The following ERP44 variants were observed in gnomAD, a reference collection of about 807,000 sequenced individuals.
ERP44 encodes endoplasmic reticulum resident protein 44.
In ERP44, 25 loss-of-function variants were observed where a neutral mutation model predicts 53.4. The observed-to-expected ratio is 0.47, with a 90% CI of 0.34 to 0.65. The LOEUF (loss-of-function observed/expected upper bound fraction) is 0.65. Ranked by LOEUF, ERP44 falls within the 30% of genes least tolerant of loss-of-function variation. The pLI, the probability that ERP44 is intolerant of heterozygous loss-of-function variation, is 0.01. For synonymous variants in ERP44, 145 were observed against 161.2 expected, an observed-to-expected ratio of 0.90 and a Z score of 0.76; for missense variants, 338 against 493.2, an observed-to-expected ratio of 0.69 and a Z score of 2.98.
At chr9:100,029,844 C>T (rs1471343155) in intron 4 of ERP44, among the ~76,000 whole-genome samples, 1 of 152,166 alleles carries the variant, frequency 6.6e-6, no homozygotes, top group Non-Finnish European at 1.5e-5. Flanking sequence ...AATCCCAGCA[C>T]TTTGGGAGAC....
rs1830169228 is a variant in ERP44, at chr9:99,983,501, C to T, written c.1120-788G>A. 2.1e-5 allele frequency among the ~76,000 whole-genome samples: 3 copies of T among 144,746 alleles called. No individual in the cohort carries two copies. In the South Asian group the frequency reaches 6.6e-4, roughly 32 times the overall value. The allele number at this position is 144,746 out of a possible 152,430, so 95.0% of individuals were successfully genotyped here. A position where few individuals can be genotyped will look rare whatever the true frequency, so the allele number is the denominator to read the frequency against. On this transcript the variant is annotated intron_variant, in intron 11 of 11. Coordinates refer to ENST00000262455, the MANE Select transcript of ERP44 (RefSeq NM_015051.3). ...CGGAGCTTGCAGTGAGCCGAGATTG[C>T]GCCACTGCAGTCCGCAGTCCGACCT... is the stretch of plus-strand genomic sequence containing the variant.
intron 1 of ERP44, among the ~76,000 whole-genome samples, chr9:100,082,898 A>G (rs1436533149): frequency 6.6e-6 from 1 of 152,264 alleles, no homozygotes; most frequent in Non-Finnish European, 1.5e-5. Flanking sequence ...CATATTTCCA[A>G]TGAAACCACA....
At chr9:100,037,666 G>A (rs1255113904) in intron 4 of ERP44, among the ~76,000 whole-genome samples, 1 of 152,130 alleles carries the variant, frequency 6.6e-6, no homozygotes, top group Non-Finnish European at 1.5e-5. Context: ...GTCACAGCAA[G>A]ACAGGGCACC....
chr9:100,068,676 A>G (rs1325145181), intron 1 of ERP44, among the ~76,000 whole-genome samples: 3 of 108,066 alleles, frequency 2.8e-5, no homozygotes, highest in Non-Finnish European at 5.7e-5. Context: ...GGGGGAGTCA[A>G]CCCCCCACCC....
chr9:100,014,404 C>T (rs1450897663), intron 8 of ERP44, among the ~76,000 whole-genome samples: 1 of 152,182 alleles, frequency 6.6e-6, no homozygotes, highest in Non-Finnish European at 1.5e-5. Flanking sequence ...CCTGCCTCAG[C>T]CTCCCGAGTA....
At chr9:100,016,243 C>T in intron 8 of ERP44, 79 bp downstream of exon 8, 3 of 1,515,212 alleles carry the variant, frequency 2.0e-6, no homozygotes, top group African/African-American at 1.4e-5. Flanking sequence ...ACTCTGTTAA[C>T]ATAGTAAGAC....
In ERP44 at chr9:100,026,228, C is replaced by T. The variant is rs138790892; in HGVS notation, c.287-4002G>A. Among the ~76,000 whole-genome samples, 231 of 152,202 alleles carry T rather than the reference C, an allele frequency of 1.5e-3. 2 individuals carry two copies. Among genetic ancestry groups the T allele is most frequent in the African/African-American group, 5.3e-3 (222 of 41,526 alleles). On this transcript the variant is annotated intron_variant, in intron 4 of 11. Transcript: ENST00000262455. ...AACCTGGGGAGTTGGGTCACAAAGA[C>T]GAAAAATCTCCTATGGCCTCCTGGT...
At position 100,007,565 on chromosome 9, in the gene ERP44, T is replaced by G; in HGVS notation, c.874+13A>C. On this transcript the variant is annotated intron_variant, in intron 9 of 11. Coordinates refer to ENST00000262455, the MANE Select transcript of ERP44 (RefSeq NM_015051.3). Reference sequence around the variant, plus strand: ...GAAAGAAATGATGAAAATAAACACCTTAATCTGTCTACCTTTTTCACTTAT... The same window carrying G: ...GAAAGAAATGATGAAAATAAACACCGTAATCTGTCTACCTTTTTCACTTAT... The G allele has an allele frequency of 8.1e-7, 1 of 1,237,286 alleles. No individual in the cohort carries two copies. The highest frequency in any genetic ancestry group is 1.2e-6 in the Non-Finnish European group (1 of 836,648). 76.6% of individuals were successfully genotyped at this position (1,237,286 alleles called of 1,614,324 possible). A position where few individuals can be genotyped will look rare whatever the true frequency, so the allele number is the denominator to read the frequency against.
chr9:100,069,334 GA>G (rs1440746604), intron 1 of ERP44, among the ~76,000 whole-genome samples: 1 of 113,580 alleles, frequency 8.8e-6, no homozygotes, highest in Non-Finnish European at 1.9e-5. Flanking sequence ...AAAGAAAAAA[GA>G]AAAGAAGCAT....
At chr9:100,071,782 G>A (rs1215653971) in intron 1 of ERP44, among the ~76,000 whole-genome samples, 14 of 152,200 alleles carry the variant, frequency 9.2e-5, no homozygotes, top group East Asian at 3.9e-4. Context: ...TTAGCTGGGC[G>A]TGGTTGCGGA....
At chr9:100,095,636 C>T (rs1826618674) in intron 1 of ERP44, among the ~76,000 whole-genome samples, 1 of 151,876 alleles carries the variant, frequency 6.6e-6, no homozygotes, top group Non-Finnish European at 1.5e-5. Flanking sequence ...ATTTCTGGGG[C>T]TCACAGATAT....
chr9:100,039,307 G>T (rs896868482), intron 4 of ERP44, among the ~76,000 whole-genome samples: 1 of 152,078 alleles, frequency 6.6e-6, no homozygotes, highest in East Asian at 1.9e-4. Flanking sequence ...GTCTTAAAAC[G>T]TTCAAAAAAA....
In ERP44 at chr9:99,986,016, C is replaced by G. The variant is rs1830193338; in HGVS notation, c.1017-947G>C. Among the ~76,000 whole-genome samples the G allele has an allele frequency of 3.3e-5, 5 of 152,318 alleles. No individual in the cohort carries two copies. In the South Asian group the frequency reaches 1.0e-3, roughly 32 times the overall value. On this transcript the variant is annotated intron_variant, in intron 10 of 11. Coordinates refer to ENST00000262455, the MANE Select transcript of ERP44 (RefSeq NM_015051.3). The stretch of plus-strand genomic sequence containing the variant: ...GGACACTATTCTCTTAATTACCAAT[C>G]ATGTATGAGCAAATCTGCAGCACAG...
chr9:100,046,427 A>G (rs1490992418), intron 4 of ERP44, among the ~76,000 whole-genome samples: 1 of 152,212 alleles, frequency 6.6e-6, no homozygotes, highest in Non-Finnish European at 1.5e-5. Context: ...TAGGTAAGGA[A>G]TATAAGGGAA....
chr9:100,089,016 G>A (rs536597014), intron 1 of ERP44, among the ~76,000 whole-genome samples: 33 of 152,266 alleles, frequency 2.2e-4, no homozygotes, highest in Admixed American at 6.5e-4. Flanking sequence ...ACCATGATCT[G>A]AAAACATTAA....
At chr9:99,996,658 G>T (rs1830312673) in intron 10 of ERP44, among the ~76,000 whole-genome samples, 1 of 151,954 alleles carries the variant, frequency 6.6e-6, no homozygotes, top group African/African-American at 2.4e-5. Context: ...CACCCTATTT[G>T]TAGTCTTTTA....
chr9:100,060,234 G>A (rs887496639), intron 1 of ERP44, 62 bp from the exon 2 acceptor site: 21 of 1,341,470 alleles, frequency 1.6e-5, no homozygotes, highest in Middle Eastern at 1.9e-4. Flanking sequence ...ACGTAAAAGC[G>A]AAGTCTAAAA....
intron 10 of ERP44, among the ~76,000 whole-genome samples, chr9:99,996,206 G>A (rs1830308538): frequency 6.6e-6 from 1 of 152,102 alleles, no homozygotes; most frequent in Non-Finnish European, 1.5e-5. Context: ...TGAATGGCTT[G>A]GTGCCACCCT....
intron 1 of ERP44, among the ~76,000 whole-genome samples, chr9:100,081,837 T>C (rs192647549): frequency 1.7e-3 from 254 of 152,232 alleles, no homozygotes; most frequent in Non-Finnish European, 2.9e-3. Context: ...AGGAAAAACG[T>C]TGTAGGTATA....
Sources: allele counts gnomAD v4.1 joint callset (sites outside exome capture counted in the v4.1 genomes callset), GRCh38; gene constraint gnomAD v4.1.1; transcripts MANE v1.5; gene names NCBI Gene and HGNC (gene_info 2026-07-23, HGNC 2026-07-21).